The following DLG2 variants were observed in gnomAD, a reference collection of about 807,000 sequenced individuals.
DLG2 encodes discs large MAGUK scaffold protein 2.
In DLG2, 45 loss-of-function variants were observed where a neutral mutation model predicts 132.5. The ratio of observed to expected loss-of-function variants is 0.34; its 90% confidence interval spans 0.27 to 0.44. The LOEUF (loss-of-function observed/expected upper bound fraction) is 0.44. Among genes scored for constraint, DLG2 ranks in the 20% least tolerant of loss-of-function variants. DLG2 has a pLI of 1.00. For synonymous variants in DLG2, 424 were observed against 419.6 expected (o/e 1.01, Z -0.13); for missense variants, 1,045 against 1,196.9 (o/e 0.87, Z 1.87).
At chr11:83,845,030 C>T (rs1455087590) in intron 16 of DLG2, among the ~76,000 whole-genome samples, 2 of 151,798 alleles carry the variant, frequency 1.3e-5, no homozygotes, top group African/African-American at 4.8e-5. Flanking sequence ...AGCATATAAG[C>T]TTGATTACTC....
At chr11:84,262,106 C>A (rs770825625) in intron 7 of DLG2, among the ~76,000 whole-genome samples, 1 of 151,958 alleles carries the variant, frequency 6.6e-6, no homozygotes. Context: ...GTACATATTC[C>A]AATTATGATT....
intron 3 of DLG2, among the ~76,000 whole-genome samples, chr11:85,398,717 C>T (rs2087689706): frequency 6.6e-6 from 1 of 152,064 alleles, no homozygotes; most frequent in Non-Finnish European, 1.5e-5. Flanking sequence ...TCTCCCAAGA[C>T]TAAACCAGGA....
intron 3 of DLG2, among the ~76,000 whole-genome samples, chr11:85,331,073 A>G (rs1363726648): frequency 1.3e-5 from 2 of 152,324 alleles, no homozygotes; most frequent in African/African-American, 4.8e-5. Context: ...ATTCTAAAAT[A>G]TGCCCAAGTA....
At chr11:83,982,590 G>C (rs1414659329) in intron 11 of DLG2, among the ~76,000 whole-genome samples, 4 of 151,636 alleles carry the variant, frequency 2.6e-5, no homozygotes, top group African/African-American at 9.7e-5. Flanking sequence ...TTACAAAAGA[G>C]TCAAAAAGTT....
intron 6 of DLG2, among the ~76,000 whole-genome samples, chr11:84,884,467 C>T (rs1378611622): frequency 6.6e-6 from 1 of 152,074 alleles, no homozygotes; most frequent in Non-Finnish European, 1.5e-5. Flanking sequence ...TAATATTATG[C>T]AGAAGCATCC....
At chr11:85,460,180 C>G (rs546881155) in intron 3 of DLG2, among the ~76,000 whole-genome samples, 4 of 152,204 alleles carry the variant, frequency 2.6e-5, no homozygotes, top group Non-Finnish European at 4.4e-5. Context: ...CTGCTCAGCC[C>G]TCTGGATTCA....
rs545274339 is a variant in DLG2, at chr11:85,623,330, A to G, written c.-93+3257T>C. Among the ~76,000 whole-genome samples the G allele has an allele frequency of 5.2e-3, 786 of 152,098 alleles. 7 individuals carry two copies. The highest frequency in any genetic ancestry group is 0.018 in the African/African-American group (729 of 41,508). ...GGACAATTTTTTTTTTTTTGAGACG[A>G]AGTCTCTCTCTGTCGCCAAGTTGGA... On this transcript the variant is annotated intron_variant, in intron 2 of 27. Transcript: ENST00000376104.
intron 6 of DLG2, among the ~76,000 whole-genome samples, chr11:84,692,750 G>T (rs958032502): frequency 6.6e-6 from 1 of 151,622 alleles, no homozygotes; most frequent in African/African-American, 2.4e-5. Context: ...TGGCCACTAT[G>T]TTAGGTTTAA....
intron 7 of DLG2, among the ~76,000 whole-genome samples, chr11:84,348,130 C>T (rs2098547033): frequency 6.6e-6 from 1 of 152,182 alleles, no homozygotes; most frequent in Admixed American, 6.5e-5. Flanking sequence ...CTTATTATTA[C>T]TTATCATTCT....
intron 7 of DLG2, among the ~76,000 whole-genome samples, chr11:84,470,756 TA>T (rs758866910): frequency 6.6e-6 from 1 of 151,634 alleles, no homozygotes; most frequent in African/African-American, 2.4e-5. Context: ...AAAGAAGTGA[TA>T]AAAAAAGGTA....
intron 3 of DLG2, among the ~76,000 whole-genome samples, chr11:85,519,500 C>A (rs1431611029): frequency 2.6e-5 from 4 of 152,158 alleles, no homozygotes; most frequent in South Asian, 4.1e-4. Flanking sequence ...TTACCCAATA[C>A]CTGTACCCCT....
At chr11:84,255,747 G>A (rs1430948243) in intron 7 of DLG2, among the ~76,000 whole-genome samples, 2 of 151,882 alleles carry the variant, frequency 1.3e-5, no homozygotes, top group Non-Finnish European at 2.9e-5. Flanking sequence ...GGAGATTTAT[G>A]AAAAATCTAG....
chr11:85,253,804 A>AG (rs2076524288), intron 4 of DLG2, among the ~76,000 whole-genome samples: 1 of 152,096 alleles, frequency 6.6e-6, no homozygotes, highest in Admixed American at 6.5e-5. Context: ...CTCAGTGAGA[A>AG]GGGAAAAAAA....
intron 7 of DLG2, among the ~76,000 whole-genome samples, chr11:84,315,717 T>C (rs970913430): frequency 6.6e-6 from 1 of 152,182 alleles, no homozygotes; most frequent in Non-Finnish European, 1.5e-5. Flanking sequence ...AAGCAAAGCT[T>C]ATAATTCCAT....
intron 6 of DLG2, among the ~76,000 whole-genome samples, chr11:85,078,638 G>A (rs186317360): frequency 6.6e-6 from 1 of 152,134 alleles, no homozygotes; most frequent in Non-Finnish European, 1.5e-5. Context: ...AGGGTCAAGA[G>A]CTAAAAAGCA....
At position 83,510,586 on chromosome 11, in the gene DLG2, G is replaced by A. The variant is rs531760302; in HGVS notation, c.2193+22122C>T. Among the ~76,000 whole-genome samples the A allele has an allele frequency of 3.3e-5, 5 of 152,258 alleles. No homozygotes were observed. The South Asian group carries it at 1.0e-3, about 32-fold the overall frequency. Reference sequence around the variant, plus strand: ...ATCACGGGGATTAGGACTCTCGCTAGGGAGTTTGGTCATGCAGTAGGAGAG... The same window carrying A: ...ATCACGGGGATTAGGACTCTCGCTAAGGAGTTTGGTCATGCAGTAGGAGAG... On this transcript the variant is annotated intron_variant, in intron 21 of 27. Coordinates refer to ENST00000376104, the MANE Select transcript of DLG2 (RefSeq NM_001142699.3).
chr11:84,494,369 G>T (rs947206667), intron 7 of DLG2, among the ~76,000 whole-genome samples: 18 of 152,152 alleles, frequency 1.2e-4, no homozygotes, highest in Non-Finnish European at 1.5e-4. Context: ...TACTACTTTT[G>T]TCTAGGACAT....
intron 7 of DLG2, among the ~76,000 whole-genome samples, chr11:84,355,283 C>T (rs2098604479): frequency 6.6e-6 from 1 of 152,072 alleles, no homozygotes; most frequent in Non-Finnish European, 1.5e-5. Context: ...CGGACATCCG[C>T]TATTGCTGTA....
intron 19 of DLG2, among the ~76,000 whole-genome samples, chr11:83,562,963 ATTCTTTTT>A (rs1456915858): frequency 5.0e-5 from 6 of 119,784 alleles, no homozygotes; most frequent in African/African-American, 1.9e-4. Context: ...TGTTTCCCTA[ATTCTTTTT>A]TTTTTTTTTT....
Sources: allele counts gnomAD v4.1 joint callset (sites outside exome capture counted in the v4.1 genomes callset), GRCh38; gene constraint gnomAD v4.1.1; transcripts MANE v1.5; gene names NCBI Gene and HGNC (gene_info 2026-07-23, HGNC 2026-07-21).